Variants in CNTN5 observed in about 807,000 individuals in gnomAD.
CNTN5 encodes the protein contactin-5.
CNTN5 carries 77 observed loss-of-function variants against 129.1 expected under a neutral mutation model. That is an observed-to-expected ratio of 0.60 (90% CI 0.50 to 0.72). The LOEUF is 0.72. CNTN5 is among the 30% of genes least tolerant of loss of function. The pLI, the probability that CNTN5 is intolerant of heterozygous loss-of-function variation, is 0.00. For synonymous variants in CNTN5, 509 were observed against 465.6 expected (o/e 1.09, Z -1.20); for missense variants, 1,478 against 1,328.8 (o/e 1.11, Z -1.75).
chr11:99,768,622 G>C (rs80248814), intron 3 of CNTN5, among the ~76,000 whole-genome samples: 2 of 152,018 alleles, frequency 1.3e-5, no homozygotes, highest in Non-Finnish European at 2.9e-5. Context: ...TTGGATTTAC[G>C]TGATGATTTC....
intron 2 of CNTN5, among the ~76,000 whole-genome samples, chr11:99,398,532 A>G (rs747182278): frequency 6.6e-6 from 1 of 151,944 alleles, no homozygotes; most frequent in Admixed American, 6.6e-5. Flanking sequence ...CCTGTTCTCA[A>G]AACCCCTGGG....
At chr11:99,319,257 A>G (rs1865465261) in intron 1 of CNTN5, among the ~76,000 whole-genome samples, 2 of 152,192 alleles carry the variant, frequency 1.3e-5, no homozygotes, top group South Asian at 4.1e-4. Flanking sequence ...TAACTCTCAC[A>G]ATAACCTAGA....
intron 18 of CNTN5, among the ~76,000 whole-genome samples, chr11:100,294,772 C>A (rs1227481099): frequency 6.6e-6 from 1 of 151,510 alleles, no homozygotes; most frequent in African/African-American, 2.4e-5. Flanking sequence ...ACCATAAGCG[C>A]TCCGAAAGAT....
chr11:99,866,874 T>C (rs1948370277), intron 6 of CNTN5, among the ~76,000 whole-genome samples: 1 of 152,186 alleles, frequency 6.6e-6, no homozygotes, highest in South Asian at 2.1e-4. Flanking sequence ...CCAATCCCTC[T>C]TCACCCTTCC....
At chr11:99,864,020 T>C (rs1948287562) in intron 6 of CNTN5, among the ~76,000 whole-genome samples, 1 of 152,120 alleles carries the variant, frequency 6.6e-6, no homozygotes, top group Admixed American at 6.6e-5. Context: ...GACATGTGAG[T>C]CTAATGCTTG....
chr11:100,135,155 T>C (rs938938176), intron 13 of CNTN5, among the ~76,000 whole-genome samples: 6 of 151,556 alleles, frequency 4.0e-5, no homozygotes, highest in Admixed American at 3.3e-4. Context: ...TGTGTTATCT[T>C]GTTAGGTTGG....
chr11:99,232,537 TAAG>T (rs1337076426), intron 1 of CNTN5, among the ~76,000 whole-genome samples: 3 of 152,222 alleles, frequency 2.0e-5, no homozygotes, highest in Middle Eastern at 3.2e-3. Flanking sequence ...CTTGTCATCT[TAAG>T]AAGCTTTTGG....
intron 8 of CNTN5, among the ~76,000 whole-genome samples, chr11:99,981,098 A>ATATATATATATATATATATATATATATT (rs1160392030): frequency 6.6e-5 from 4 of 60,658 alleles, no homozygotes; most frequent in Non-Finnish European, 6.3e-5. Context: ...ATATATATAT[A>ATATATATATATATATATATATATATATT]TATATACACA....
At position 99,943,300 on chromosome 11, in the gene CNTN5, T is replaced by C. The variant is rs143547114; in HGVS notation, c.674-13506T>C. ...TCTGATAACCAGTGATGATAGGCTT[T>C]TTTTCATATGTTTGTTGGCCGCATA... On this transcript the variant is annotated intron_variant, in intron 7 of 24. Transcript: ENST00000524871. 2.5e-4 allele frequency among the ~76,000 whole-genome samples: 38 copies of C among 152,334 alleles called. No homozygotes were observed. The East Asian group carries it at 6.0e-3, about 24-fold the overall frequency.
chr11:99,214,082 T>G (rs2135680342), intron 1 of CNTN5, among the ~76,000 whole-genome samples: 1 of 152,246 alleles, frequency 6.6e-6, no homozygotes. Context: ...TACACTTACT[T>G]AACAGAGTAA....
chr11:100,341,105 C>A lies in CNTN5; in HGVS notation c.2930C>A (p.Ala977Glu), dbSNP rs1352321638. The change falls in exon 23 of 25, where the codon GCA (alanine) becomes GAA (glutamate). Residue 977 changes from alanine to glutamate, a missense_variant. Coordinates refer to ENST00000524871, the MANE Select transcript of CNTN5 (RefSeq NM_014361.4). ...ATTKKSPPSQ[A>E]PSNLRWEQQG... ...TTTTATTTTGCAGCTCCTAGTCAAG[C>A]ACCTAGCAACCTCAGGTGGGAGCAG... is the stretch of plus-strand genomic sequence containing the variant. The A allele has an allele frequency of 3.7e-6, 6 of 1,612,780 alleles. No homozygotes were observed. The South Asian group carries it at 6.6e-5, about 18-fold the overall frequency.
At position 99,981,094 on chromosome 11, in the gene CNTN5, A is replaced by ATATATACATATATATATATATATATG. The variant is rs1565750323; in HGVS notation, c.878-20934_878-20933insCATATATATATATATATATGTATATA. ...GCCAATAGGATATATATATATATAT[A>ATATATACATATATATATATATATATG]TATATATATACACACACACACACAT... On this transcript the variant is annotated intron_variant, in intron 8 of 24. Transcript: ENST00000524871. 2.5e-5 allele frequency among the ~76,000 whole-genome samples: 2 copies of ATATATACATATATATATATATATATG among 81,248 alleles called. 1 individual carries two copies. The highest frequency in any genetic ancestry group is 8.5e-4 in the East Asian group (2 of 2,366). 53.3% of individuals were successfully genotyped at this position (81,248 alleles called of 152,430 possible). A position where few individuals can be genotyped will look rare whatever the true frequency, so the allele number is the denominator to read the frequency against.
intron 8 of CNTN5, among the ~76,000 whole-genome samples, chr11:99,997,482 A>G (rs896049257): frequency 6.6e-6 from 1 of 152,228 alleles, no homozygotes; most frequent in Admixed American, 6.5e-5. Flanking sequence ...GAATAGACCA[A>G]CAACAGGAGC....
chr11:99,375,302 C>CAAAAAAAA lies in CNTN5; in HGVS notation c.-71+49835_-71+49842dup, dbSNP rs397848951. Among the ~76,000 whole-genome samples the CAAAAAAAA allele has an allele frequency of 1.2e-3, 65 of 53,568 alleles. 2 individuals carry two copies. In the East Asian group the frequency reaches 0.015, roughly 12 times the overall value. 35.1% of individuals were successfully genotyped at this position (53,568 alleles called of 152,430 possible). A position where few individuals can be genotyped will look rare whatever the true frequency, so the allele number is the denominator to read the frequency against. ...TGGGTGACAGAGTGGGAGTCTGTCTCAAAAAAAAAAAAAAAAAAAAAAAAG... is the reference window on the plus strand; with the variant it reads ...TGGGTGACAGAGTGGGAGTCTGTCTCAAAAAAAAAAAAAAAAAAAAAAAAAAAAAAAAG... On this transcript the variant is annotated intron_variant, in intron 2 of 24. Transcript: ENST00000524871.
intron 1 of CNTN5, among the ~76,000 whole-genome samples, chr11:99,203,294 C>A (rs1049735719): frequency 3.9e-5 from 6 of 152,248 alleles, no homozygotes; most frequent in African/African-American, 4.8e-5. Context: ...TACACAGAAT[C>A]ATTTGAGCTT....
chr11:100,144,934 G>A (rs1308268575), intron 13 of CNTN5, among the ~76,000 whole-genome samples: 1 of 137,042 alleles, frequency 7.3e-6, no homozygotes, highest in Non-Finnish European at 1.7e-5. Flanking sequence ...CGAGATTGAT[G>A]CATACCTTCC....
At chr11:99,540,626 C>G (rs1026248810) in intron 2 of CNTN5, among the ~76,000 whole-genome samples, 4 of 152,040 alleles carry the variant, frequency 2.6e-5, no homozygotes, top group African/African-American at 9.7e-5. Flanking sequence ...CAGAAATAGA[C>G]TACCAAGAGC....
At chr11:99,529,764 A>G (rs1947624594) in intron 2 of CNTN5, among the ~76,000 whole-genome samples, 1 of 152,172 alleles carries the variant, frequency 6.6e-6, no homozygotes, top group African/African-American at 2.4e-5. Flanking sequence ...AAAATAAAAC[A>G]AGTTAAAAAA....
chr11:100,117,538 TA>T (rs922165901), intron 13 of CNTN5, among the ~76,000 whole-genome samples: 4 of 151,928 alleles, frequency 2.6e-5, no homozygotes, highest in African/African-American at 4.8e-5. Flanking sequence ...GTCTACCACA[TA>T]GCATATGCTC....
Sources: allele counts gnomAD v4.1 joint callset (sites outside exome capture counted in the v4.1 genomes callset), GRCh38; gene constraint gnomAD v4.1.1; transcripts MANE v1.5; gene names NCBI Gene and HGNC (gene_info 2026-07-23, HGNC 2026-07-21).